Variants in NMT2 observed in about 807,000 individuals in gnomAD.
NMT2 encodes the protein glycylpeptide N-tetradecanoyltransferase 2.
NMT2 carries 35 observed loss-of-function variants against 65.4 expected under a neutral mutation model. That is an observed-to-expected ratio of 0.54 (90% CI 0.41 to 0.71). NMT2 has a LOEUF of 0.71. Ranked by LOEUF, NMT2 falls within the 30% of genes least tolerant of loss-of-function variation. NMT2 has a pLI of 0.00. For missense variants in NMT2, 489 were observed against 611.3 expected, an observed-to-expected ratio of 0.80 and a Z score of 2.11; for synonymous variants, 226 against 231.8, an observed-to-expected ratio of 0.98 and a Z score of 0.23.
chr10:15,155,332 C>T, intron 1 of NMT2: 1 of 1,102,636 alleles, frequency 9.1e-7, no homozygotes, highest in Non-Finnish European at 1.4e-6. Context: ...GCTGGTAGTA[C>T]AGGGCTCCTG....
chr10:15,156,869 C>T (rs1326598300), intron 1 of NMT2, among the ~76,000 whole-genome samples: 2 of 151,798 alleles, frequency 1.3e-5, no homozygotes, highest in East Asian at 1.9e-4. Flanking sequence ...GCACTCCAGC[C>T]TGAGCGACAG....
chr10:15,121,798 GCT>G (rs1182218404), intron 8 of NMT2, among the ~76,000 whole-genome samples: 29 of 152,190 alleles, frequency 1.9e-4, no homozygotes, highest in Admixed American at 1.3e-4. Flanking sequence ...GGAGGTGCAT[GCT>G]CTGTATTTAT....
intron 8 of NMT2, among the ~76,000 whole-genome samples, chr10:15,120,322 G>A (rs1312664445): frequency 6.6e-6 from 1 of 152,156 alleles, no homozygotes; most frequent in African/African-American, 2.4e-5. Flanking sequence ...GCCAGGCGTG[G>A]TGACATGCAC....
At position 15,133,118 on chromosome 10, in the gene NMT2, A is replaced by G. The variant is rs903593020; in HGVS notation, c.537T>C (p.Asn179=). ...EVLKELYTLL[N]ENYVEDDDNM... ...TGTCATCATCTTCTACGTAATTCTC[A>G]TTTAACAACGTGTATAACTCCTTGA... The change falls in exon 5 of 12, where the codon AAT becomes AAC. Residue 179 remains asparagine, a synonymous_variant. Coordinates refer to ENST00000378165, the MANE Select transcript of NMT2 (RefSeq NM_004808.3). 19 of 1,612,162 alleles carry G rather than the reference A, an allele frequency of 1.2e-5. No homozygotes were observed. The highest frequency in any genetic ancestry group is 1.6e-5 in the Non-Finnish European group (19 of 1,178,158).
intron 7 of NMT2, among the ~76,000 whole-genome samples, chr10:15,129,710 A>C (rs1228968399): frequency 6.6e-6 from 1 of 152,168 alleles, no homozygotes; most frequent in Non-Finnish European, 1.5e-5. Flanking sequence ...GGAGTTCAAG[A>C]CCAGCCTGAC....
At chr10:15,151,899 G>A (rs572090862) in intron 1 of NMT2, among the ~76,000 whole-genome samples, 6 of 152,266 alleles carry the variant, frequency 3.9e-5, no homozygotes, top group East Asian at 3.9e-4. Flanking sequence ...GGTGGCACGC[G>A]CCTGTAATCC....
intron 1 of NMT2, among the ~76,000 whole-genome samples, chr10:15,153,606 T>A (rs894868319): frequency 1.3e-5 from 2 of 152,200 alleles, no homozygotes; most frequent in Admixed American, 1.3e-4. Context: ...CACGAAAATG[T>A]CTCTAAGGCC....
chr10:15,132,813 G>A lies in NMT2; in HGVS notation c.719+4C>T, dbSNP rs185644665. Reference sequence around the variant, plus strand: ...AAACCGCATGGACGAGCTTAAACATGTACCTGTCATAAATCCGAATGTTTG... The same window carrying A: ...AAACCGCATGGACGAGCTTAAACATATACCTGTCATAAATCCGAATGTTTG... On this transcript the variant is annotated splice_donor_region_variant and intron_variant, in intron 6 of 11. Coordinates refer to ENST00000378165, the MANE Select transcript of NMT2 (RefSeq NM_004808.3). 4.9e-4 allele frequency: 784 copies of A among 1,586,176 alleles called. No homozygotes were observed. The highest frequency in any genetic ancestry group is 6.2e-4 in the Non-Finnish European group (713 of 1,158,454).
At chr10:15,114,254 C>T (rs1333244064) in intron 9 of NMT2, among the ~76,000 whole-genome samples, 1 of 152,164 alleles carries the variant, frequency 6.6e-6, no homozygotes, top group Non-Finnish European at 1.5e-5. Flanking sequence ...ACCTGCAGAA[C>T]CTGATTAGGT....
intron 1 of NMT2, among the ~76,000 whole-genome samples, chr10:15,151,061 T>TC (rs1419055621): frequency 1.4e-5 from 2 of 146,466 alleles, no homozygotes; most frequent in Admixed American, 1.4e-4. Flanking sequence ...GCTTCCTCCT[T>TC]TTTTTTTTTT....
chr10:15,116,730 A>G (rs775700560), intron 9 of NMT2, among the ~76,000 whole-genome samples: 11 of 152,230 alleles, frequency 7.2e-5, no homozygotes, highest in Non-Finnish European at 1.3e-4. Flanking sequence ...GGTATGAAAG[A>G]AGAGATATCA....
intron 1 of NMT2, among the ~76,000 whole-genome samples, chr10:15,156,449 C>T (rs1265596820): frequency 6.6e-6 from 1 of 152,146 alleles, no homozygotes; most frequent in South Asian, 2.1e-4. Context: ...CCCGGTCTAA[C>T]GTACATCCTT....
chr10:15,144,592 G>A (rs935131048), intron 1 of NMT2, among the ~76,000 whole-genome samples: 38 of 152,290 alleles, frequency 2.5e-4, no homozygotes, highest in South Asian at 1.5e-3. Flanking sequence ...TTTGCTGGGC[G>A]TGGTGGCGGG....
rs1178141814 is a variant in NMT2 at position 15,127,574 on chromosome 10, AT to A, written c.999+775del. Among the ~76,000 whole-genome samples, 477 of 83,344 alleles carry A rather than the reference AT, an allele frequency of 5.7e-3. 18 individuals are homozygous for A. The highest frequency in any genetic ancestry group is 0.01 in the African/African-American group (91 of 8,676). The allele number at this position is 83,344 out of a possible 152,430, so 54.7% of individuals were successfully genotyped here. On this transcript the variant is annotated intron_variant, in intron 8 of 11. Coordinates refer to ENST00000378165, the MANE Select transcript of NMT2 (RefSeq NM_004808.3). ...AAAAAAAAAAAAAAAAAAAAAATAA[AT>A]AAATAAATAAATAAATAAATAAAAT...
intron 8 of NMT2, among the ~76,000 whole-genome samples, chr10:15,127,106 A>G (rs1234090011): frequency 6.6e-6 from 1 of 151,762 alleles, no homozygotes; most frequent in Non-Finnish European, 1.5e-5. Context: ...GTGGTGGCAC[A>G]CACCTGTAAT....
At chr10:15,160,030 C>A (rs1331531034) in intron 1 of NMT2, among the ~76,000 whole-genome samples, 1 of 152,124 alleles carries the variant, frequency 6.6e-6, no homozygotes, top group Non-Finnish European at 1.5e-5. Context: ...TTTGGGCTGA[C>A]CTTGAACTTA....
Position 15,144,372 on chromosome 10 carries a change from C to T in NMT2, c.111-2815G>A, listed in dbSNP as rs202224760. On this transcript the variant is annotated intron_variant, in intron 1 of 11. Transcript: ENST00000378165. ...CCATTTCCTGAGGCCATGAAGGAAA[C>T]GAGACTTTGAGAATAAGAGCTGACC... Among the ~76,000 whole-genome samples the T allele has an allele frequency of 9.9e-4, 150 of 152,148 alleles. 1 individual carries two copies. Among genetic ancestry groups the T allele is most frequent in the East Asian group, 3.7e-3 (19 of 5,184 alleles).
intron 8 of NMT2, among the ~76,000 whole-genome samples, chr10:15,121,076 C>G (rs192087651): frequency 1.3e-5 from 2 of 152,126 alleles, no homozygotes; most frequent in African/African-American, 4.8e-5. Flanking sequence ...GGACTTGAGA[C>G]TAAAAGTCAG....
At chr10:15,132,227 G>C (rs1846310028) in intron 6 of NMT2, among the ~76,000 whole-genome samples, 1 of 151,970 alleles carries the variant, frequency 6.6e-6, no homozygotes, top group Admixed American at 6.6e-5. Context: ...GAGGCAGAGA[G>C]AGAAAAAGAG....
Sources: gnomAD v4.1 joint callset for allele counts (sites outside exome capture counted in the v4.1 genomes callset) on GRCh38, gnomAD v4.1.1 for gene constraint, MANE v1.5 for transcripts, NCBI Gene and HGNC (gene_info 2026-07-23, HGNC 2026-07-21) for gene names.